The following PTER variants were observed in gnomAD, a reference collection of about 807,000 sequenced individuals.
The protein encoded by PTER is N-acetyltaurine hydrolase.
PTER carries 38 observed loss-of-function variants against 29.6 expected under a neutral mutation model. The ratio of observed to expected loss-of-function variants is 1.28; its 90% CI spans 0.99 to 1.68. The LOEUF (loss-of-function observed/expected upper bound fraction) is 1.68. PTER is among the 40% of genes most tolerant of loss of function. PTER has a pLI of 0.00. For missense variants in PTER, 482 were observed against 427.8 expected, an observed-to-expected ratio of 1.13 and a Z score of -1.12; for synonymous variants, 172 against 154.5, an observed-to-expected ratio of 1.11 and a Z score of -0.84.
At chr10:16,488,184 A>G (rs961981570) in intron 3 of PTER, among the ~76,000 whole-genome samples, 1 of 152,194 alleles carries the variant, frequency 6.6e-6, no homozygotes. Context: ...GGTTGCACTG[A>G]TAAAGTAGAG....
At chr10:16,496,605 C>T (rs1009879614) in intron 3 of PTER, among the ~76,000 whole-genome samples, 1 of 150,886 alleles carries the variant, frequency 6.6e-6, no homozygotes, top group Non-Finnish European at 1.5e-5. Flanking sequence ...TTGATATCTC[C>T]TTCTCTTTGC....
At chr10:16,465,468 T>C (rs1834775046) in intron 1 of PTER, among the ~76,000 whole-genome samples, 1 of 152,184 alleles carries the variant, frequency 6.6e-6, no homozygotes, top group Non-Finnish European at 1.5e-5. Flanking sequence ...AGACCGAAGT[T>C]GCCCCCTCAG....
chr10:16,443,127 C>T (rs1445984432), intron 1 of PTER, among the ~76,000 whole-genome samples: 1 of 152,192 alleles, frequency 6.6e-6, no homozygotes, highest in Admixed American at 6.5e-5. Context: ...GCTTTAACAA[C>T]AGACATTTAT....
chr10:16,465,194 G>A (rs770400852), intron 1 of PTER, among the ~76,000 whole-genome samples: 3 of 152,098 alleles, frequency 2.0e-5, no homozygotes, highest in Non-Finnish European at 4.4e-5. Context: ...GCTTTGTATC[G>A]TAAGTATCCT....
chr10:16,448,975 T>C (rs990011448), intron 1 of PTER, among the ~76,000 whole-genome samples: 14 of 152,130 alleles, frequency 9.2e-5, no homozygotes, highest in African/African-American at 3.4e-4. Flanking sequence ...GCAATTGGAG[T>C]CACCACTTGG....
chr10:16,484,086 A>C (rs1355304022), intron 1 of PTER, among the ~76,000 whole-genome samples: 1 of 152,180 alleles, frequency 6.6e-6, no homozygotes, highest in Non-Finnish European at 1.5e-5. Context: ...CCAGTAGATA[A>C]GGTTAGGACT....
At chr10:16,458,057 C>T (rs1183801177) in intron 1 of PTER, among the ~76,000 whole-genome samples, 4 of 152,102 alleles carry the variant, frequency 2.6e-5, no homozygotes, top group Non-Finnish European at 5.9e-5. Flanking sequence ...GGGTCTGACC[C>T]AATTTATTAG....
chr10:16,437,697 T>A (rs1463643129), intron 1 of PTER, among the ~76,000 whole-genome samples: 1 of 152,180 alleles, frequency 6.6e-6, no homozygotes, highest in Non-Finnish European at 1.5e-5. Flanking sequence ...TCTTGCTTAA[T>A]CCACTCTGCA....
intron 4 of PTER, among the ~76,000 whole-genome samples, chr10:16,506,773 AAG>A (rs35854928): frequency 0.063 from 9,563 of 151,988 alleles, 589 homozygotes; most frequent in East Asian, 0.15. Context: ...CTGAGAAAAA[AAG>A]AGTGGATTTA....
chr10:16,462,802 C>A (rs1409295448), intron 1 of PTER, among the ~76,000 whole-genome samples: 1 of 151,742 alleles, frequency 6.6e-6, no homozygotes, highest in Non-Finnish European at 1.5e-5. Flanking sequence ...AACTCCTGGC[C>A]TCAAGTGATC....
At position 16,511,081 on chromosome 10, in the gene PTER, G is replaced by T. The variant is rs778269871; in HGVS notation, c.875G>T (p.Arg292Leu). The T allele has an allele frequency of 6.2e-7, 1 of 1,613,818 alleles. No homozygotes were observed. The highest frequency in any genetic ancestry group is 8.5e-7 in the Non-Finnish European group (1 of 1,179,860). ...CTGGTGGAAGAGGGCTGTGAAGATC[G>T]AATTCTGGTAGCACATGACATACAT... is the stretch of plus-strand genomic sequence containing the variant. ...RLLVEEGCED[R>L]ILVAHDIHTK... Residue 292 changes from arginine to leucine, a missense_variant, in exon 5 of 5, where the codon CGA (arginine) becomes CTA (leucine). Arg to Leu is a moderately radical substitution (Grantham distance 102). Coordinates refer to ENST00000535784, the MANE Select transcript of PTER (RefSeq NM_001261836.2).
intron 3 of PTER, among the ~76,000 whole-genome samples, chr10:16,504,349 A>G (rs1836478234): frequency 6.6e-6 from 1 of 152,158 alleles, no homozygotes; most frequent in African/African-American, 2.4e-5. Flanking sequence ...TACATTCTTT[A>G]TATGACATCT....
At chr10:16,487,926 A>C (rs1231277078) in intron 3 of PTER, among the ~76,000 whole-genome samples, 1 of 152,194 alleles carries the variant, frequency 6.6e-6, no homozygotes, top group Non-Finnish European at 1.5e-5. Flanking sequence ...ATGAGGCTGC[A>C]GTGAACCATG....
At chr10:16,487,911 T>G (rs995592339) in intron 3 of PTER, among the ~76,000 whole-genome samples, 4 of 152,070 alleles carry the variant, frequency 2.6e-5, no homozygotes, top group Non-Finnish European at 1.5e-5. Context: ...AAAATGCCTC[T>G]CCTTATGAGG....
chr10:16,479,610 C>A (rs1835403050), intron 1 of PTER, among the ~76,000 whole-genome samples: 1 of 152,152 alleles, frequency 6.6e-6, no homozygotes, highest in Non-Finnish European at 1.5e-5. Context: ...AAGTGCTGAT[C>A]TATTTGGGCC....
intron 3 of PTER, among the ~76,000 whole-genome samples, chr10:16,501,720 A>G (rs1170339760): frequency 2.0e-5 from 3 of 152,206 alleles, no homozygotes; most frequent in Non-Finnish European, 4.4e-5. Flanking sequence ...ATGTCCTTTG[A>G]GTAAAAAACA....
chr10:16,500,206 G>A lies in PTER; in HGVS notation c.699-4814G>A, dbSNP rs186572086. Among the ~76,000 whole-genome samples, 203 of 150,446 alleles carry A rather than the reference G, an allele frequency of 1.3e-3. 1 individual carries two copies. Among genetic ancestry groups the A allele is most frequent in the Middle Eastern group, 3.5e-3 (1 of 288 alleles). On this transcript the variant is annotated intron_variant, in intron 3 of 4. Transcript: ENST00000535784. ...CTCCGCTTTATATAAGTTTTTGAGC[G>A]GATAAGAATTCATAGGGATTACTTT...
chr10:16,484,461 A>G lies in PTER; in HGVS notation c.77A>G (p.His26Arg). Residue 26 changes from histidine to arginine, a missense_variant, in exon 2 of 5, where the codon CAT becomes CGT. Physicochemically the swap from His to Arg is conservative, Grantham distance 29. Transcript: ENST00000535784. ...EPSKLGRTLT[H>R]EHLAMTFDCC... Reference sequence around the variant, plus strand: ...AGCAAACTGGGCCGTACCCTGACCCATGAACACCTGGCCATGACCTTTGAC... The same window carrying G: ...AGCAAACTGGGCCGTACCCTGACCCGTGAACACCTGGCCATGACCTTTGAC... The G allele has an allele frequency of 1.2e-6, 2 of 1,614,072 alleles. No homozygotes were observed. Among genetic ancestry groups the G allele is most frequent in the Non-Finnish European group, 1.7e-6 (2 of 1,180,008 alleles).
rs915248194 is a variant in PTER, at chr10:16,512,001, T to C, written c.*745T>C. 1 of 152,454 alleles carries C rather than the reference T, an allele frequency of 6.6e-6. No individual in the cohort carries two copies. Among genetic ancestry groups the C allele is most frequent in the African/African-American group, 2.4e-5 (1 of 41,390 alleles). The allele number at this position is 152,454 out of a possible 1,614,324, so 9.4% of individuals were successfully genotyped here. On this transcript the variant is annotated 3_prime_UTR_variant, in exon 5 of 5. Transcript: ENST00000535784. The stretch of plus-strand genomic sequence containing the variant: ...AAATATATTACATAATATAGTTTAA[T>C]GAATCATTACATTTATAATAACAAA...
Sources: allele counts gnomAD v4.1 joint callset (sites outside exome capture counted in the v4.1 genomes callset), GRCh38; gene constraint gnomAD v4.1.1; transcripts MANE v1.5; gene names NCBI Gene and HGNC (gene_info 2026-07-23, HGNC 2026-07-21).